The following R3HCC1L variants were observed in gnomAD, a reference collection of about 807,000 sequenced individuals.
R3HCC1L encodes the protein coiled-coil domain-containing protein R3HCC1L.
A neutral mutation model predicts 59.9 loss-of-function variants in R3HCC1L; 51 were observed. The observed-to-expected ratio is 0.85, with a 90% CI of 0.68 to 1.07. The LOEUF (loss-of-function observed/expected upper bound fraction) is 1.07, where lower values mean the gene tolerates loss of function less well. Ranked by LOEUF, R3HCC1L falls within the 50% of genes least tolerant of loss-of-function variation. The pLI, the probability that R3HCC1L is intolerant of heterozygous loss-of-function variation, is 0.00. For synonymous variants in R3HCC1L, 322 were observed against 315.2 expected (o/e 1.02, Z -0.23); for missense variants, 965 against 933.0 (o/e 1.03, Z -0.45).
chr10:98,170,551 C>CCTGGCCTCAGGCAGTA (rs1472917449), intron 4 of R3HCC1L, among the ~76,000 whole-genome samples: 1 of 152,192 alleles, frequency 6.6e-6, no homozygotes. Flanking sequence ...GTCTTGAACT[C>CCTGGCCTCAGGCAGTA]CTGGCCTCAG....
intron 5 of R3HCC1L, among the ~76,000 whole-genome samples, chr10:98,221,700 G>A (rs138117159): frequency 0.17 from 26,191 of 151,398 alleles, 2,207 homozygotes; most frequent in South Asian, 0.21. Flanking sequence ...GATATGCAGC[G>A]TTATTTCTGA....
chr10:98,234,794 G>C (rs942547818), intron 7 of R3HCC1L, among the ~76,000 whole-genome samples: 6 of 152,156 alleles, frequency 3.9e-5, no homozygotes, highest in Non-Finnish European at 8.8e-5. Flanking sequence ...GGTAGAGATT[G>C]AAGAATCCAA....
intron 4 of R3HCC1L, among the ~76,000 whole-genome samples, chr10:98,170,479 AGCTAATTTTTT>A (rs1211131637): frequency 4.6e-5 from 7 of 152,028 alleles, no homozygotes; most frequent in African/African-American, 1.2e-4. Context: ...TACCGTTCCC[AGCTAATTTTTT>A]ATCTTGTTTT....
In R3HCC1L at chr10:98,244,217, A is replaced by G. The variant is rs1297275716; in HGVS notation, c.*59A>G. On this transcript the variant is annotated 3_prime_UTR_variant, in exon 10 of 10. Coordinates refer to ENST00000298999, the MANE Select transcript of R3HCC1L (RefSeq NM_001351015.2). Reference sequence around the variant, plus strand: ...CAGAAAATGTTTCCATAGCCTTCAGATAAGATGATCCTTCCAGAGCTCTAT... The same window carrying G: ...CAGAAAATGTTTCCATAGCCTTCAGGTAAGATGATCCTTCCAGAGCTCTAT... 4 of 1,506,862 alleles carry G rather than the reference A, an allele frequency of 2.7e-6. No homozygotes were observed. The East Asian group carries it at 9.1e-5, about 34-fold the overall frequency. 93.3% of individuals were successfully genotyped at this position (1,506,862 alleles called of 1,614,324 possible).
chr10:98,200,635 G>C (rs369926246), intron 4 of R3HCC1L, among the ~76,000 whole-genome samples: 5 of 151,982 alleles, frequency 3.3e-5, no homozygotes, highest in African/African-American at 1.2e-4. Flanking sequence ...ATAGACTTCC[G>C]TCGGCACTGC....
intron 4 of R3HCC1L, among the ~76,000 whole-genome samples, chr10:98,205,166 C>T (rs948862144): frequency 6.6e-6 from 1 of 152,234 alleles, no homozygotes; most frequent in Middle Eastern, 3.2e-3. Flanking sequence ...AAACTCATCA[C>T]TTCCTAATTA....
In R3HCC1L at chr10:98,183,432, TTTG is replaced by T. The variant is rs551367212; in HGVS notation, c.-15+20056_-15+20058del. Among the ~76,000 whole-genome samples, 46 of 151,980 alleles carry T rather than the reference TTTG, an allele frequency of 3.0e-4. No homozygotes were observed. In the South Asian group the frequency reaches 3.3e-3, roughly 11 times the overall value. On this transcript the variant is annotated intron_variant, in intron 4 of 9. Coordinates refer to ENST00000298999, the MANE Select transcript of R3HCC1L (RefSeq NM_001351015.2). ...AATATAATGTGTCTAATTGTGGATT[TTTG>T]TTGTTGTTGTTGTTGTTGTTTGTTT...
At chr10:98,134,731 C>G (rs1844359292) in intron 1 of R3HCC1L, 25 bp downstream of exon 1, 1 of 152,290 alleles carries the variant, frequency 6.6e-6, no homozygotes, top group Non-Finnish European at 1.5e-5. Context: ...CGTATCCCCT[C>G]CCTCTGTACC....
At chr10:98,144,432 T>A (rs1845460893) in intron 1 of R3HCC1L, among the ~76,000 whole-genome samples, 1 of 152,242 alleles carries the variant, frequency 6.6e-6, no homozygotes, top group African/African-American at 2.4e-5. Context: ...GCCAGGCTGG[T>A]CTCAAACTCC....
In R3HCC1L at chr10:98,208,786, T is replaced by C; in HGVS notation, c.672T>C (p.Phe224=). Residue 224 remains phenylalanine, a synonymous_variant, in exon 5 of 10, where the codon TTT becomes TTC. Coordinates refer to ENST00000298999, the MANE Select transcript of R3HCC1L (RefSeq NM_001351015.2). ...LEILYEFPRV[F]SSVMKPENMI... ...TACTATATGAGTTTCCTAGAGTTTT[T>C]AGTTCTGTCATGAAACCTGAGAATA... The C allele has an allele frequency of 6.2e-7, 1 of 1,614,106 alleles. No homozygotes were observed. The highest frequency in any genetic ancestry group is 8.5e-7 in the Non-Finnish European group (1 of 1,180,006).
chr10:98,232,277 A>G (rs1200376152), intron 6 of R3HCC1L, among the ~76,000 whole-genome samples: 2 of 152,214 alleles, frequency 1.3e-5, no homozygotes, highest in African/African-American at 4.8e-5. Context: ...AGTGTGAGTT[A>G]CCACGCCTGG....
chr10:98,231,936 T>G (rs987119664), intron 6 of R3HCC1L, among the ~76,000 whole-genome samples: 2 of 152,240 alleles, frequency 1.3e-5, no homozygotes, highest in Admixed American at 1.3e-4. Context: ...AGTGATGACT[T>G]CATGGTGCAT....
intron 4 of R3HCC1L, among the ~76,000 whole-genome samples, chr10:98,183,920 T>A (rs1445871641): frequency 2.6e-5 from 4 of 151,836 alleles, no homozygotes; most frequent in Admixed American, 2.6e-4. Context: ...CCGAATCTGG[T>A]TCTATTGTTT....
intron 4 of R3HCC1L, among the ~76,000 whole-genome samples, chr10:98,200,699 A>C (rs1851940632): frequency 6.6e-6 from 1 of 152,178 alleles, no homozygotes; most frequent in Non-Finnish European, 1.5e-5. Flanking sequence ...AAAAAAGGGG[A>C]CATATAGCAG....
intron 4 of R3HCC1L, among the ~76,000 whole-genome samples, chr10:98,198,821 C>G (rs1287671427): frequency 1.3e-5 from 2 of 152,052 alleles, no homozygotes; most frequent in Admixed American, 1.3e-4. Flanking sequence ...TATATTTGTC[C>G]TGTGGCATTA....
chr10:98,185,103 G>C (rs997801650), intron 4 of R3HCC1L, among the ~76,000 whole-genome samples: 2 of 152,134 alleles, frequency 1.3e-5, no homozygotes, highest in African/African-American at 4.8e-5. Flanking sequence ...GCAGCACCTA[G>C]AAGTCCCATT....
chr10:98,159,910 G>A (rs1195211532), intron 2 of R3HCC1L, among the ~76,000 whole-genome samples: 1 of 152,154 alleles, frequency 6.6e-6, no homozygotes, highest in Non-Finnish European at 1.5e-5. Flanking sequence ...CTTCTCAGCT[G>A]ACATCTGGGA....
intron 9 of R3HCC1L, among the ~76,000 whole-genome samples, chr10:98,236,461 TC>T (rs1430966146): frequency 6.6e-6 from 1 of 152,210 alleles, no homozygotes; most frequent in Admixed American, 6.5e-5. Flanking sequence ...AGAAAAATTT[TC>T]CTGTGAAAAC....
intron 9 of R3HCC1L, among the ~76,000 whole-genome samples, chr10:98,241,273 T>A (rs1165670981): frequency 2.6e-5 from 4 of 152,184 alleles, no homozygotes; most frequent in Non-Finnish European, 2.9e-5. Flanking sequence ...TTATTTTTCA[T>A]AGATCTAGAA....
Sources: allele counts gnomAD v4.1 joint callset (sites outside exome capture counted in the v4.1 genomes callset), GRCh38; gene constraint gnomAD v4.1.1; transcripts MANE v1.5; gene names NCBI Gene and HGNC (gene_info 2026-07-23, HGNC 2026-07-21).